SBF2: variants seen among roughly 807,000 people sequenced by gnomAD.
The protein encoded by SBF2 is SET binding factor 2.
A neutral mutation model predicts 225.2 loss-of-function variants in SBF2; 112 were observed. That is an observed-to-expected ratio of 0.50 (90% CI 0.43 to 0.58). The LOEUF (loss-of-function observed/expected upper bound fraction) is 0.58, where lower values mean the gene tolerates loss of function less well. Among genes scored for constraint, SBF2 ranks in the 20% least tolerant of loss-of-function variants. The probability of loss-of-function intolerance (pLI) is 0.00; values close to 1 mark genes in which losing one functional copy is unlikely to be tolerated. For missense variants in SBF2, 1,996 were observed against 2,206.2 expected (o/e 0.90, Z 1.91); for synonymous variants, 763 against 773.3 (o/e 0.99, Z 0.22).
intron 16 of SBF2, among the ~76,000 whole-genome samples, chr11:9,954,515 G>A (rs1001176721): frequency 2.6e-5 from 4 of 152,148 alleles, no homozygotes; most frequent in Admixed American, 2.6e-4. Context: ...TAACTGCGAA[G>A]GGCCTCTATA....
At position 10,009,410 on chromosome 11, in the gene SBF2, C is replaced by A. The variant is rs746989654; in HGVS notation, c.620-6721G>T. On this transcript the variant is annotated intron_variant, in intron 6 of 39. Transcript: ENST00000256190. ...TCTCCTAATGCTGTCCCTTCCCTAC[C>A]CTCCCCACCCCCTGACAGGCCCTGG... Among the ~76,000 whole-genome samples the A allele has an allele frequency of 3.0e-4, 45 of 152,224 alleles. No individual in the cohort carries two copies. In the Middle Eastern group the frequency reaches 0.01, roughly 35 times the overall value.
In SBF2 at chr11:10,160,196, T is replaced by C. The variant is rs1045991823; in HGVS notation, c.141+33706A>G. Among the ~76,000 whole-genome samples, 4 of 152,232 alleles carry C rather than the reference T, an allele frequency of 2.6e-5. No homozygotes were observed. In the East Asian group the frequency reaches 7.7e-4, roughly 29 times the overall value. The stretch of plus-strand genomic sequence containing the variant: ...TACTCCACCAAAAATCTGTTAGAAG[T>C]AATAAACAAGTTCAGTAAAGTCGTG... On this transcript the variant is annotated intron_variant, in intron 2 of 39. Coordinates refer to ENST00000256190, the MANE Select transcript of SBF2 (RefSeq NM_030962.4).
At chr11:10,072,985 C>T (rs982878850) in intron 2 of SBF2, among the ~76,000 whole-genome samples, 19 of 151,850 alleles carry the variant, frequency 1.3e-4, no homozygotes, top group Non-Finnish European at 1.3e-4. Flanking sequence ...TTTGAACCCC[C>T]GGGCTCAAGC....
chr11:9,818,094 C>T (rs1403168311), intron 28 of SBF2, among the ~76,000 whole-genome samples: 2 of 151,974 alleles, frequency 1.3e-5, no homozygotes, highest in African/African-American at 2.4e-5. Context: ...TACAGGCATG[C>T]ACCACCATGC....
At chr11:10,146,684 T>C (rs969888188) in intron 2 of SBF2, among the ~76,000 whole-genome samples, 2 of 152,074 alleles carry the variant, frequency 1.3e-5, no homozygotes, top group Non-Finnish European at 2.9e-5. Flanking sequence ...ATGACAAAGA[T>C]GCCAAAAGCA....
chr11:9,920,656 C>T (rs979935883), intron 16 of SBF2, among the ~76,000 whole-genome samples: 1 of 152,140 alleles, frequency 6.6e-6, no homozygotes, highest in Non-Finnish European at 1.5e-5. Context: ...GATTTCAGTG[C>T]TGTGTGGAAA....
At chr11:9,863,922 T>C (rs1249809797) in intron 17 of SBF2, among the ~76,000 whole-genome samples, 1 of 152,230 alleles carries the variant, frequency 6.6e-6, no homozygotes, top group Non-Finnish European at 1.5e-5. Context: ...ACATAAGTTA[T>C]ATTGCAGGTT....
At chr11:9,895,055 T>C (rs1420759375) in intron 17 of SBF2, among the ~76,000 whole-genome samples, 7 of 152,218 alleles carry the variant, frequency 4.6e-5, no homozygotes, top group South Asian at 4.1e-4. Flanking sequence ...GGCTCCTGAC[T>C]AGACCTTGAC....
chr11:10,185,793 C>T (rs895411820), intron 2 of SBF2, among the ~76,000 whole-genome samples: 9 of 151,894 alleles, frequency 5.9e-5, no homozygotes, highest in East Asian at 3.9e-4. Context: ...GCTGTGGTAC[C>T]GCTAATTCAA....
intron 1 of SBF2, among the ~76,000 whole-genome samples, chr11:10,278,514 C>G (rs1305424040): frequency 6.6e-6 from 1 of 152,176 alleles, no homozygotes; most frequent in African/African-American, 2.4e-5. Context: ...GGCGCAGAGG[C>G]TCATGTCTGT....
chr11:9,816,771 G>C, intron 29 of SBF2, 69 bp downstream of exon 29: 1 of 1,492,954 alleles, frequency 6.7e-7, no homozygotes, highest in East Asian at 2.3e-5. Context: ...AAGCTGGTTT[G>C]TGATACAGGT....
chr11:9,924,873 T>G (rs937060809), intron 16 of SBF2, among the ~76,000 whole-genome samples: 11 of 151,972 alleles, frequency 7.2e-5, no homozygotes, highest in Non-Finnish European at 1.6e-4. Flanking sequence ...CTCAGCCTCC[T>G]AAGTAGCTGG....
intron 36 of SBF2, 76 bp downstream of exon 36, chr11:9,787,558 T>A: frequency 7.9e-7 from 1 of 1,258,920 alleles, no homozygotes; most frequent in Admixed American, 1.8e-5. Flanking sequence ...TCTTGTCACC[T>A]GTGGCAGCAG....
rs149633346 is a variant in SBF2, at chr11:10,054,261, A to G, written c.142-11280T>C. On this transcript the variant is annotated intron_variant, in intron 2 of 39. Transcript: ENST00000256190. ...TGTAAGATAATATGATTGTCTGCCT[A>G]GAGAATACATACAAACTGACTAAAC... is the stretch of plus-strand genomic sequence containing the variant. Among the ~76,000 whole-genome samples, 52 of 152,354 alleles carry G rather than the reference A, an allele frequency of 3.4e-4. No homozygotes were observed. In the Middle Eastern group the frequency reaches 0.01, roughly 30 times the overall value.
chr11:9,966,562 T>A (rs1387816494), intron 14 of SBF2, among the ~76,000 whole-genome samples: 1 of 152,128 alleles, frequency 6.6e-6, no homozygotes, highest in Non-Finnish European at 1.5e-5. Flanking sequence ...ATGGGAGACT[T>A]TAATATTTCT....
Position 10,029,800 on chromosome 11 carries a change from A to C in SBF2, c.478T>G (p.Cys160Gly). 4 of 1,613,926 alleles carry C rather than the reference A, an allele frequency of 2.5e-6. No homozygotes were observed. Among genetic ancestry groups the C allele is most frequent in the Non-Finnish European group, 3.4e-6 (4 of 1,179,806 alleles). Residue 160 changes from cysteine to glycine, a missense_variant, in exon 5 of 40, where the codon TGT becomes GGT. By Grantham distance (159) the Cys-to-Gly change is radical. Coordinates refer to ENST00000256190, the MANE Select transcript of SBF2 (RefSeq NM_030962.4). ...CCAGCCGCTGGGACAAGGCAGGCAC[A>C]AAGGTTTGCAATTAGACTTTCCAAG... ...VSLESLIANL[C>G]ACLVPAAGGS... is the part of the protein sequence containing the mutation.
At chr11:10,260,354 CA>C (rs1961301012) in intron 1 of SBF2, among the ~76,000 whole-genome samples, 1 of 152,060 alleles carries the variant, frequency 6.6e-6, no homozygotes, top group African/African-American at 2.4e-5. Flanking sequence ...GAGGCCAAGG[CA>C]GGAGGATCAC....
intron 22 of SBF2, among the ~76,000 whole-genome samples, chr11:9,847,961 G>A (rs1856670829): frequency 6.6e-6 from 1 of 152,138 alleles, no homozygotes; most frequent in South Asian, 2.1e-4. Flanking sequence ...AATTGAGAGA[G>A]AAGATGGAGC....
chr11:10,211,079 A>AT (rs1957931401), intron 1 of SBF2, among the ~76,000 whole-genome samples: 1 of 147,562 alleles, frequency 6.8e-6, no homozygotes, highest in South Asian at 2.1e-4. Flanking sequence ...CAGTACTTCC[A>AT]TTTTGCCCAA....
Sources: gnomAD v4.1 joint callset for allele counts (sites outside exome capture counted in the v4.1 genomes callset) on GRCh38, gnomAD v4.1.1 for gene constraint, MANE v1.5 for transcripts, NCBI Gene and HGNC (gene_info 2026-07-23, HGNC 2026-07-21) for gene names.